The following GALNT2 variants were observed in gnomAD, a reference collection of about 807,000 sequenced individuals.
GALNT2 encodes UDP-GalNAc:polypeptide N-acetylgalactosaminyltransferase 2.
Under a neutral mutation model 81.4 loss-of-function variants are expected in GALNT2, and 31 were observed. The observed-to-expected ratio is 0.38, with a 90% CI of 0.29 to 0.51. GALNT2 has a LOEUF of 0.51. Among genes scored for constraint, GALNT2 ranks in the 20% least tolerant of loss-of-function variants. The pLI is 0.87. For missense variants in GALNT2, 629 were observed against 765.7 expected, an observed-to-expected ratio of 0.82 and a Z score of 2.11; for synonymous variants, 303 against 287.4, an observed-to-expected ratio of 1.05 and a Z score of -0.55.
intron 1 of GALNT2, among the ~76,000 whole-genome samples, chr1:230,137,729 G>GT (rs1394914136): frequency 1.3e-5 from 2 of 152,148 alleles, no homozygotes; most frequent in African/African-American, 4.8e-5. Flanking sequence ...TTGCAACCTG[G>GT]TTTAGCTACA....
intron 1 of GALNT2, among the ~76,000 whole-genome samples, chr1:230,104,950 G>A (rs1660498892): frequency 6.6e-6 from 1 of 152,212 alleles, no homozygotes; most frequent in Non-Finnish European, 1.5e-5. Flanking sequence ...AATCAGAGTG[G>A]GGGAAAGTGT....
chr1:230,251,511 T>C (rs1040007966), intron 10 of GALNT2, among the ~76,000 whole-genome samples: 1 of 152,236 alleles, frequency 6.6e-6, no homozygotes, highest in Admixed American at 6.5e-5. Flanking sequence ...TGTTGAAAGC[T>C]TCTTTAGGCT....
At chr1:230,177,666 C>G (rs191014986) in intron 1 of GALNT2, among the ~76,000 whole-genome samples, 2 of 152,090 alleles carry the variant, frequency 1.3e-5, no homozygotes, top group Non-Finnish European at 2.9e-5. Flanking sequence ...CATTGGCAGT[C>G]CTATTAGAGT....
In GALNT2 at chr1:230,136,909, C is replaced by T. The variant is rs193162751; in HGVS notation, c.127-41309C>T. ...CATTTTGCTTTTCCCGCAGTTCAGCCGGGACTCTGCTTCACGGATGCTTTC... is the reference window on the plus strand; with the variant it reads ...CATTTTGCTTTTCCCGCAGTTCAGCTGGGACTCTGCTTCACGGATGCTTTC... On this transcript the variant is annotated intron_variant, in intron 1 of 15. Coordinates refer to ENST00000366672, the MANE Select transcript of GALNT2 (RefSeq NM_004481.5). 5.9e-5 allele frequency among the ~76,000 whole-genome samples: 9 copies of T among 152,304 alleles called. No homozygotes were observed. The East Asian group carries it at 7.7e-4, about 13-fold the overall frequency.
At chr1:230,206,929 G>A (rs1011404880) in intron 3 of GALNT2, among the ~76,000 whole-genome samples, 1 of 151,982 alleles carries the variant, frequency 6.6e-6, no homozygotes, top group Non-Finnish European at 1.5e-5. Flanking sequence ...CCACCTCAGT[G>A]AGGTATCCCT....
intron 3 of GALNT2, among the ~76,000 whole-genome samples, chr1:230,204,795 A>G (rs538593704): frequency 1.4e-4 from 22 of 152,330 alleles, no homozygotes; most frequent in African/African-American, 5.3e-4. Flanking sequence ...TGAATGGAAT[A>G]TAGATTACAC....
intron 2 of GALNT2, among the ~76,000 whole-genome samples, chr1:230,186,179 G>A (rs769171153): frequency 1.3e-4 from 20 of 152,230 alleles, no homozygotes; most frequent in Middle Eastern, 3.2e-3. Flanking sequence ...GCTGGTGAGA[G>A]TGTTTGCTGG....
In GALNT2 at chr1:230,279,497, A is replaced by G. The variant is rs755124690; in HGVS notation, c.*39A>G. 2.5e-6 allele frequency: 4 copies of G among 1,596,492 alleles called. No homozygotes were observed. Among genetic ancestry groups the G allele is most frequent in the South Asian group, 2.2e-5 (2 of 89,566 alleles). On this transcript the variant is annotated 3_prime_UTR_variant, in exon 16 of 16. Coordinates refer to ENST00000366672, the MANE Select transcript of GALNT2 (RefSeq NM_004481.5). The surrounding 1 kb of genome is among the most constrained non-coding windows in gnomAD (Gnocchi z 4.6). Reference sequence around the variant, plus strand: ...GCCCTGCCGTCCTGTCTCCTGCACCATTGGGTGGAGTCTGGTGATCACATT... The same window carrying G: ...GCCCTGCCGTCCTGTCTCCTGCACCGTTGGGTGGAGTCTGGTGATCACATT...
At chr1:230,258,847 T>C (rs577594575) in intron 11 of GALNT2, 5 of 152,344 alleles carry the variant, frequency 3.3e-5, no homozygotes, top group African/African-American at 1.2e-4. Context: ...ACCAAAGCCA[T>C]TGATACCTAC....
Position 230,275,698 on chromosome 1 carries a change from T to C in GALNT2, c.1560+1134T>C, listed in dbSNP as rs111069299. On this transcript the variant is annotated intron_variant, in intron 15 of 15. Transcript: ENST00000366672. This position sits in a 1 kb window ranked among gnomAD's most constrained non-coding sequence, Gnocchi z 5.5. ...CATGTATACATATGTAAACACCACA[T>C]ATATATACACACCACATATACACAC... 2.7e-5 allele frequency among the ~76,000 whole-genome samples: 4 copies of C among 148,912 alleles called. No individual in the cohort carries two copies. Among genetic ancestry groups the C allele is most frequent in the Non-Finnish European group, 4.5e-5 (3 of 67,016 alleles).
intron 3 of GALNT2, 27 bp from the exon 4 acceptor site, chr1:230,235,987 C>A: frequency 6.2e-7 from 1 of 1,609,528 alleles, no homozygotes; most frequent in South Asian, 1.1e-5. Flanking sequence ...GGTCATTGTT[C>A]AGAGGACCAT....
At chr1:230,073,961 G>A (rs1659451006) in intron 1 of GALNT2, among the ~76,000 whole-genome samples, 1 of 152,210 alleles carries the variant, frequency 6.6e-6, no homozygotes, top group African/African-American at 2.4e-5. Context: ...GAATGGCCAG[G>A]AGGGTTGGGG....
At chr1:230,197,367 G>A (rs1037358172) in intron 2 of GALNT2, among the ~76,000 whole-genome samples, 1 of 152,144 alleles carries the variant, frequency 6.6e-6, no homozygotes, top group Non-Finnish European at 1.5e-5. Context: ...CTGCTCGCCT[G>A]GGCAGTGCCC....
chr1:230,065,631 T>C (rs1195656897), upstream of GALNT2, among the ~76,000 whole-genome samples: 1 of 152,244 alleles, frequency 6.6e-6, no homozygotes, highest in East Asian at 1.9e-4. Context: ...GTTTTTCTGT[T>C]ACTAGGCATT....
At chr1:230,203,892 A>C (rs1663982100) in intron 3 of GALNT2, among the ~76,000 whole-genome samples, 1 of 152,226 alleles carries the variant, frequency 6.6e-6, no homozygotes, top group South Asian at 2.1e-4. Flanking sequence ...TGGTGCGATC[A>C]TAGCTCACTG....
In GALNT2 at chr1:230,244,834, A is replaced by G. The variant is rs923897041; in HGVS notation, c.730-1229A>G. Among the ~76,000 whole-genome samples, 5 of 152,338 alleles carry G rather than the reference A, an allele frequency of 3.3e-5. No homozygotes were observed. The East Asian group carries it at 9.6e-4, about 29-fold the overall frequency. ...CCCTGTAGATTTGCACCTGGGTGTT[A>G]CAGAGCTTTGCAGTGTTTGCGTGTT... On this transcript the variant is annotated intron_variant, in intron 7 of 15. Coordinates refer to ENST00000366672, the MANE Select transcript of GALNT2 (RefSeq NM_004481.5).
intron 1 of GALNT2, among the ~76,000 whole-genome samples, chr1:230,061,621 T>A (rs1659050773): frequency 6.6e-6 from 1 of 152,206 alleles, no homozygotes; most frequent in Non-Finnish European, 1.5e-5. Context: ...TTTGTTTTTT[T>A]AATATAGAGA....
In GALNT2 at chr1:230,100,310, C is replaced by CTTTTTTT. The variant is rs573478928; in HGVS notation, c.126+32924_126+32930dup. The stretch of plus-strand genomic sequence containing the variant: ...GGATGCCCAGGGTATCTTTTTATTC[C>CTTTTTTT]TTTTTTTTTTTTTTTTTTTTTTTTT... On this transcript the variant is annotated intron_variant, in intron 1 of 15. Transcript: ENST00000366672. Among the ~76,000 whole-genome samples, 48 of 85,782 alleles carry CTTTTTTT rather than the reference C, an allele frequency of 5.6e-4. 3 individuals are homozygous for CTTTTTTT. The highest frequency in any genetic ancestry group is 2.3e-3 in the African/African-American group (45 of 19,706). 56.3% of individuals were successfully genotyped at this position (85,782 alleles called of 152,430 possible). A position where few individuals can be genotyped will look rare whatever the true frequency, so the allele number is the denominator to read the frequency against.
At chr1:230,076,713 A>T (rs1203087797) in intron 1 of GALNT2, among the ~76,000 whole-genome samples, 2 of 152,166 alleles carry the variant, frequency 1.3e-5, no homozygotes, top group Admixed American at 6.5e-5. Flanking sequence ...ATTCTCATTT[A>T]TGAAGGGTCA....
Sources: gnomAD v4.1 joint callset for allele counts (sites outside exome capture counted in the v4.1 genomes callset) on GRCh38, gnomAD v4.1.1 for gene constraint, Gnocchi (gnomAD v3.1) non-coding constraint, MANE v1.5 for transcripts, NCBI Gene and HGNC (gene_info 2026-07-23, HGNC 2026-07-21) for gene names.